GOLGA8B: variants seen among roughly 807,000 people sequenced by gnomAD.
GOLGA8B encodes the protein golgin subfamily A member 8B.
GOLGA8B carries 1 observed loss-of-function variant against 15.6 expected under a neutral mutation model. That is an observed-to-expected ratio of 0.06 (90% CI 0.02 to 0.30). GOLGA8B has a LOEUF of 0.30. Among genes scored for constraint, GOLGA8B ranks in the 10% least tolerant of loss-of-function variants. The probability of loss-of-function intolerance (pLI) is 1.00; values close to 1 mark genes in which losing one functional copy is unlikely to be tolerated. For synonymous variants in GOLGA8B, 9 were observed against 80.3 expected (o/e 0.11, Z 4.75); for missense variants, 17 against 201.3 (o/e 0.08, Z 5.54).
intron 1 of GOLGA8B, among the ~76,000 whole-genome samples, chr15:34,571,511 AAC>A (rs1234033364): frequency 6.6e-6 from 1 of 151,366 alleles, no homozygotes; most frequent in Non-Finnish European, 1.5e-5. Context: ...AGAACCCAGA[AAC>A]ACAGAAGAAA....
At position 34,525,671 on chromosome 15, in the gene GOLGA8B, T is replaced by C. The variant is rs1894425944; in HGVS notation, c.*1961A>G. 6.7e-6 allele frequency: 1 copy of C among 149,956 alleles called. No homozygotes were observed. The highest frequency in any genetic ancestry group is 2.5e-5 in the African/African-American group (1 of 40,532). 9.3% of individuals were successfully genotyped at this position (149,956 alleles called of 1,614,324 possible). A position where few individuals can be genotyped will look rare whatever the true frequency, so the allele number is the denominator to read the frequency against. On this transcript the variant is annotated 3_prime_UTR_variant, in exon 24 of 24. Transcript: ENST00000683415. Reference sequence around the variant, plus strand: ...CCACATTATTTGGTCTAATATTTTTTCTTTATTATTCTGAAACTGGGTTTA... The same window carrying C: ...CCACATTATTTGGTCTAATATTTTTCCTTTATTATTCTGAAACTGGGTTTA...
chr15:34,583,091 C>A (rs1334835456), intron 1 of GOLGA8B, among the ~76,000 whole-genome samples: 1 of 152,146 alleles, frequency 6.6e-6, no homozygotes, highest in Non-Finnish European at 1.5e-5. Flanking sequence ...CAGTAGTTGC[C>A]GCCCAGCTCG....
chr15:34,571,115 C>T (rs1157981906), intron 1 of GOLGA8B, among the ~76,000 whole-genome samples: 2 of 150,366 alleles, frequency 1.3e-5, no homozygotes, highest in Non-Finnish European at 3.0e-5. Context: ...CACTTAAGCT[C>T]AGCAGTTCAA....
At chr15:34,557,019 C>G (rs1453428612) in intron 1 of GOLGA8B, among the ~76,000 whole-genome samples, 4 of 143,908 alleles carry the variant, frequency 2.8e-5, no homozygotes, top group Non-Finnish European at 6.1e-5. Flanking sequence ...ACCGCTCAGA[C>G]TCAGGACTAA....
At chr15:34,543,353 C>T (rs1288678092) in intron 7 of GOLGA8B, among the ~76,000 whole-genome samples, 14 of 146,936 alleles carry the variant, frequency 9.5e-5, no homozygotes, top group African/African-American at 3.5e-4. Context: ...TTTTCTTCTT[C>T]TTCTTTTTTT....
At chr15:34,574,406 C>T (rs1402845010) in intron 1 of GOLGA8B, among the ~76,000 whole-genome samples, 9 of 151,578 alleles carry the variant, frequency 5.9e-5, no homozygotes, top group Admixed American at 2.0e-4. Context: ...TGGGCTTAAG[C>T]GATCCTCCCA....
Position 34,525,387 on chromosome 15 carries a change from A to C in GOLGA8B, c.*2245T>G, listed in dbSNP as rs887689465. The C allele has an allele frequency of 3.3e-5, 5 of 150,064 alleles. No individual in the cohort carries two copies. Among genetic ancestry groups the C allele is most frequent in the African/African-American group, 1.2e-4 (5 of 40,544 alleles). 9.3% of individuals were successfully genotyped at this position (150,064 alleles called of 1,614,324 possible). ...CAGTATTTCTGTTACACATTCTGTTAACAAGAACCCATACATTGGTAAAAT... is the reference window on the plus strand; with the variant it reads ...CAGTATTTCTGTTACACATTCTGTTCACAAGAACCCATACATTGGTAAAAT... On this transcript the variant is annotated 3_prime_UTR_variant, in exon 24 of 24. Coordinates refer to ENST00000683415, the MANE Select transcript of GOLGA8B (RefSeq NM_001023567.5).
At chr15:34,575,756 T>C (rs2257838) in intron 1 of GOLGA8B, among the ~76,000 whole-genome samples, 5,363 of 151,420 alleles carry the variant, frequency 0.035, 297 homozygotes, top group African/African-American at 0.12. Flanking sequence ...ATCTTCCAGA[T>C]TGTGCCTCTC....
At chr15:34,569,446 C>T (rs1888846473) in intron 1 of GOLGA8B, among the ~76,000 whole-genome samples, 1 of 151,846 alleles carries the variant, frequency 6.6e-6, no homozygotes, top group South Asian at 2.1e-4. Context: ...GGCGCCACTC[C>T]CCTGCCCTAC....
At chr15:34,576,195 G>A (rs977259122) in intron 1 of GOLGA8B, among the ~76,000 whole-genome samples, 1 of 152,186 alleles carries the variant, frequency 6.6e-6, no homozygotes, top group African/African-American at 2.4e-5. Flanking sequence ...TGGGAATGCT[G>A]CCAGTCCAGG....
At chr15:34,580,215 G>A (rs921861434) in intron 1 of GOLGA8B, among the ~76,000 whole-genome samples, 26 of 152,186 alleles carry the variant, frequency 1.7e-4, no homozygotes, top group African/African-American at 5.5e-4. Context: ...GGATGGGGTG[G>A]GGACAACCCA....
chr15:34,573,217 A>C (rs529574463), intron 1 of GOLGA8B, among the ~76,000 whole-genome samples: 8 of 152,318 alleles, frequency 5.3e-5, no homozygotes, highest in African/African-American at 1.4e-4. Flanking sequence ...TTGGAGAATA[A>C]AACAAAATAG....
rs960147267 is a variant in GOLGA8B at position 34,526,967 on chromosome 15, C to A, written c.*665G>T. ...TGAAACACACTGTATCCTGCACATACCTGCCAGAGCAGGCCACTTTCCTCT... is the reference window on the plus strand; with the variant it reads ...TGAAACACACTGTATCCTGCACATAACTGCCAGAGCAGGCCACTTTCCTCT... On this transcript the variant is annotated 3_prime_UTR_variant, in exon 24 of 24. Coordinates refer to ENST00000683415, the MANE Select transcript of GOLGA8B (RefSeq NM_001023567.5). 4.4e-5 allele frequency: 7 copies of A among 160,066 alleles called. 1 individual carries two copies. Among genetic ancestry groups the A allele is most frequent in the Non-Finnish European group, 6.7e-5 (5 of 74,586 alleles). The allele number at this position is 160,066 out of a possible 1,614,324, so 9.9% of individuals were successfully genotyped here.
At chr15:34,567,775 C>G (rs1359201761) in intron 1 of GOLGA8B, among the ~76,000 whole-genome samples, 4 of 151,886 alleles carry the variant, frequency 2.6e-5, no homozygotes, top group Admixed American at 2.0e-4. Context: ...TACTGGTTTT[C>G]AAGCAACACA....
intron 1 of GOLGA8B, among the ~76,000 whole-genome samples, chr15:34,557,019 C>T (rs1453428612): frequency 1.4e-5 from 2 of 143,910 alleles, no homozygotes; most frequent in Non-Finnish European, 3.1e-5. Context: ...ACCGCTCAGA[C>T]TCAGGACTAA....
chr15:34,570,666 G>A (rs201877593), intron 1 of GOLGA8B, among the ~76,000 whole-genome samples: 3,074 of 114,336 alleles, frequency 0.027, 6 homozygotes, highest in Middle Eastern at 0.096. Context: ...AAAAAAATAC[G>A]AGAGGAAGAA....
chr15:34,549,245 A>G (rs573515631), intron 4 of GOLGA8B, among the ~76,000 whole-genome samples: 1 of 102,146 alleles, frequency 9.8e-6, no homozygotes, highest in Non-Finnish European at 2.1e-5. Context: ...TAAATGAAGC[A>G]TTATGAAGTT....
At chr15:34,572,421 A>T (rs140810466) in intron 1 of GOLGA8B, among the ~76,000 whole-genome samples, 1 of 152,262 alleles carries the variant, frequency 6.6e-6, no homozygotes, top group Non-Finnish European at 1.5e-5. Flanking sequence ...AAGTTCAATA[A>T]GTAAACAGTC....
Position 34,528,200 on chromosome 15 carries a change from CCTT to C in GOLGA8B, c.1439_1441del (p.Gln480_Gly481delinsArg), listed in dbSNP as rs1353727830. The C allele has an allele frequency of 2.1e-5, 9 of 421,494 alleles. No homozygotes were observed. Among genetic ancestry groups the C allele is most frequent in the African/African-American group, 8.4e-5 (1 of 11,854 alleles). 26.1% of individuals were successfully genotyped at this position (421,494 alleles called of 1,614,324 possible). A position where few individuals can be genotyped will look rare whatever the true frequency, so the allele number is the denominator to read the frequency against. ...GTTGCACACCCTACCTTCCTCTCCTCCTTGTCCTGGGCCAGCCTGATGATGGCC... is the reference window on the plus strand; with the variant it reads ...GTTGCACACCCTACCTTCCTCTCCTCGTCCTGGGCCAGCCTGATGATGGCC... On this transcript the variant is annotated inframe_deletion, in exon 22 of 24. Coordinates refer to ENST00000683415, the MANE Select transcript of GOLGA8B (RefSeq NM_001023567.5).
Sources: gnomAD v4.1 joint callset for allele counts (sites outside exome capture counted in the v4.1 genomes callset) on GRCh38, gnomAD v4.1.1 for gene constraint, MANE v1.5 for transcripts, NCBI Gene and HGNC (gene_info 2026-07-23, HGNC 2026-07-21) for gene names.